Variants in SPRYD3 observed in about 807,000 individuals in gnomAD.
SPRYD3 encodes the protein SPRY domain-containing protein 3.
A neutral mutation model predicts 50.1 loss-of-function variants in SPRYD3; 17 were observed. The ratio of observed to expected loss-of-function variants is 0.34; its 90% confidence interval spans 0.23 to 0.51. The LOEUF (loss-of-function observed/expected upper bound fraction) is 0.51. Among genes scored for constraint, SPRYD3 ranks in the 20% least tolerant of loss-of-function variants. SPRYD3 has a pLI of 0.97. For synonymous variants in SPRYD3, 198 were observed against 215.5 expected, an observed-to-expected ratio of 0.92 and a Z score of 0.71; for missense variants, 401 against 591.2, an observed-to-expected ratio of 0.68 and a Z score of 3.34.
rs754828805 is a variant in SPRYD3 at position 53,079,384 on chromosome 12, C to G, written c.-51G>C. 6.3e-7 allele frequency: 1 copy of G among 1,585,160 alleles called. No homozygotes were observed. Among genetic ancestry groups the G allele is most frequent in the Middle Eastern group, 1.7e-4 (1 of 5,982 alleles). ...AAGCTCTTCGGCCGCCGCCACCACA[C>G]ACATCCGGGTCCCCGCCTTTCCTTC... On this transcript the variant is annotated 5_prime_UTR_variant, in exon 1 of 11. Coordinates refer to ENST00000301463, the MANE Select transcript of SPRYD3 (RefSeq NM_032840.3).
intron 6 of SPRYD3, among the ~76,000 whole-genome samples, chr12:53,071,710 T>G (rs1592265408): frequency 1.2e-4 from 14 of 121,328 alleles, no homozygotes; most frequent in African/African-American, 9.7e-5. Context: ...GGTGACAGAG[T>G]GATAGCCTGT....
intron 8 of SPRYD3, among the ~76,000 whole-genome samples, chr12:53,067,366 G>A (rs533689751): frequency 9.9e-5 from 15 of 152,220 alleles, no homozygotes; most frequent in African/African-American, 3.6e-4. Context: ...AAGAAAATGA[G>A]GAAATGAGGG....
rs765453759 is a variant in SPRYD3, at chr12:53,077,163, C to T, written c.122G>A (p.Arg41Gln). Reference protein sequence around the residue: ...IREIREVRAFRYQERFKHILV... With the variant: ...IREIREVRAFQYQERFKHILV... ...GATATGTTTGAACCTCTCCTGATAT[C>T]GGAAAGCTCGGACCTCTCGAATCTC... Residue 41 changes from arginine (R) to glutamine (Q), a missense_variant, in exon 2 of 11, where the codon CGA becomes CAA. Arg to Gln is a conservative substitution (Grantham distance 43, BLOSUM62 1). Transcript: ENST00000301463. The T allele has an allele frequency of 3.7e-6, 6 of 1,614,198 alleles. No individual in the cohort carries two copies. Among genetic ancestry groups the T allele is most frequent in the Middle Eastern group, 1.6e-4 (1 of 6,062 alleles).
At position 53,067,762 on chromosome 12, in the gene SPRYD3, G is replaced by C; in HGVS notation, c.844-57C>G. ...TCCCATGCATAAACAAGACAGGAGA[G>C]AGTGGCGAGTAGCATCTGAACCTCT... On this transcript the variant is annotated intron_variant, in intron 7 of 10. Coordinates refer to ENST00000301463, the MANE Select transcript of SPRYD3 (RefSeq NM_032840.3). The C allele has an allele frequency of 4.0e-6, 6 of 1,504,150 alleles. No homozygotes were observed. In the East Asian group the frequency reaches 1.4e-4, roughly 34 times the overall value. 93.2% of individuals were successfully genotyped at this position (1,504,150 alleles called of 1,614,324 possible). A position where few individuals can be genotyped will look rare whatever the true frequency, so the allele number is the denominator to read the frequency against.
chr12:53,076,763 C>G lies in SPRYD3; in HGVS notation c.170+352G>C, dbSNP rs536260652. Among the ~76,000 whole-genome samples the G allele has an allele frequency of 2.5e-3, 383 of 152,262 alleles. 1 individual carries two copies. Among genetic ancestry groups the G allele is most frequent in the Non-Finnish European group, 2.0e-3 (136 of 68,012 alleles). On this transcript the variant is annotated intron_variant, in intron 2 of 10. Coordinates refer to ENST00000301463, the MANE Select transcript of SPRYD3 (RefSeq NM_032840.3). ...AGGAGTTCAAGACCTGCCTGGCCAA[C>G]ATGGTGAAACCCTGTCTCTACCAAA...
chr12:53,068,228 C>T lies in SPRYD3; in HGVS notation c.770G>A (p.Arg257His), dbSNP rs757536583. The T allele has an allele frequency of 7.4e-6, 12 of 1,614,138 alleles. No individual in the cohort carries two copies. The highest frequency in any genetic ancestry group is 1.1e-5 in the South Asian group (1 of 91,086). Residue 257 changes from arginine (R) to histidine (H), a missense_variant, in exon 7 of 11, where the codon CGC (arginine) becomes CAC (histidine). Arg to His is a conservative substitution (Grantham distance 29). Coordinates refer to ENST00000301463, the MANE Select transcript of SPRYD3 (RefSeq NM_032840.3). Reference protein sequence around the residue: ...LAQARHPLSTRSHYFEVEIVD... With the variant: ...LAQARHPLSTHSHYFEVEIVD... ...GATCTCCACCTCGAAGTAGTGGCTGCGGGTGCTGAGTGGGTGCCGGGCCTG... is the reference window on the plus strand; with the variant it reads ...GATCTCCACCTCGAAGTAGTGGCTGTGGGTGCTGAGTGGGTGCCGGGCCTG...
chr12:53,073,947 T>G (rs1221668822), intron 5 of SPRYD3, among the ~76,000 whole-genome samples: 2 of 148,740 alleles, frequency 1.3e-5, no homozygotes, highest in African/African-American at 5.0e-5. Flanking sequence ...CCAAATGTGC[T>G]AAGTACTCCT....
intron 10 of SPRYD3, 63 bp downstream of exon 10, chr12:53,066,251 C>A: frequency 6.3e-7 from 1 of 1,577,976 alleles, no homozygotes; most frequent in Non-Finnish European, 8.6e-7. Flanking sequence ...CTGTTCCCCA[C>A]TAATACCCAC....
chr12:53,073,140 C>A (rs891602389), intron 6 of SPRYD3, 146 bp downstream of exon 6: 3 of 564,418 alleles, frequency 5.3e-6, no homozygotes, highest in African/African-American at 1.9e-5. Flanking sequence ...GGACTCATGT[C>A]AAGAGCCTAG....
In SPRYD3 at chr12:53,067,393, G is replaced by A. The variant is rs538047149; in HGVS notation, c.901+255C>T. The stretch of plus-strand genomic sequence containing the variant: ...AAATGAGGGTCTGCAGGAAGGGCAC[G>A]GGGGGACCAGCTCAGAGGCCTGGAA... On this transcript the variant is annotated intron_variant, in intron 8 of 10. Coordinates refer to ENST00000301463, the MANE Select transcript of SPRYD3 (RefSeq NM_032840.3). Among the ~76,000 whole-genome samples the A allele has an allele frequency of 1.4e-4, 22 of 152,262 alleles. No homozygotes were observed. In the East Asian group the frequency reaches 3.5e-3, roughly 24 times the overall value.
In SPRYD3 at chr12:53,074,642, C is replaced by T. The variant is rs763583220; in HGVS notation, c.507+7G>A. On this transcript the variant is annotated splice_region_variant and intron_variant, in intron 5 of 10. Transcript: ENST00000301463. This position sits in a 1 kb window ranked among gnomAD's most constrained non-coding sequence, Gnocchi z 4.6. ...CCACGTAAATCCCACCACTATTTCCCACTCACCCGCTTCCCATTTTTGGTG... is the reference window on the plus strand; with the variant it reads ...CCACGTAAATCCCACCACTATTTCCTACTCACCCGCTTCCCATTTTTGGTG... The T allele has an allele frequency of 1.9e-6, 3 of 1,614,248 alleles. No individual in the cohort carries two copies. Among genetic ancestry groups the T allele is most frequent in the Non-Finnish European group, 2.5e-6 (3 of 1,180,024 alleles).
chr12:53,074,849 C>T lies in SPRYD3; in HGVS notation c.372-65G>A, dbSNP rs1414333550. ...CCTCCCAACTTCTCCCCAGCACTGA[C>T]AGCAGAGGCCTCATCCTCATCTTGC... On this transcript the variant is annotated intron_variant, in intron 4 of 10. Coordinates refer to ENST00000301463, the MANE Select transcript of SPRYD3 (RefSeq NM_032840.3). The surrounding 1 kb of genome is among the most constrained non-coding windows in gnomAD (Gnocchi z 4.6). The T allele has an allele frequency of 6.3e-7, 1 of 1,580,238 alleles. No homozygotes were observed. Among genetic ancestry groups the T allele is most frequent in the Non-Finnish European group, 8.7e-7 (1 of 1,153,196 alleles).
chr12:53,079,357 A>G lies in SPRYD3; in HGVS notation c.-24T>C. 1 of 1,602,630 alleles carries G rather than the reference A, an allele frequency of 6.2e-7. No individual in the cohort carries two copies. The highest frequency in any genetic ancestry group is 8.5e-7 in the Non-Finnish European group (1 of 1,175,204). On this transcript the variant is annotated 5_prime_UTR_variant, in exon 1 of 11. Transcript: ENST00000301463. ...ATCCATAGGCCTCTCAGCTCCGCACACAAGCTCTTCGGCCGCCGCCACCAC... is the reference window on the plus strand; with the variant it reads ...ATCCATAGGCCTCTCAGCTCCGCACGCAAGCTCTTCGGCCGCCGCCACCAC...
In SPRYD3 at chr12:53,068,293, G is replaced by A; in HGVS notation, c.705C>T (p.Tyr235=). Residue 235 remains tyrosine (Y), a synonymous_variant, in exon 7 of 11, where the codon TAC becomes TAT. Transcript: ENST00000301463. ...DVRVCGTLLE[Y]LGKGKSIVDV... ...CCACGATGCTTTTGCCCTTCCCTAA[G>A]TACTCCAGCAGCTGTGGGGGAAGAG... is the stretch of plus-strand genomic sequence containing the variant. The A allele has an allele frequency of 6.2e-7, 1 of 1,614,064 alleles. No homozygotes were observed. Among genetic ancestry groups the A allele is most frequent in the Non-Finnish European group, 8.5e-7 (1 of 1,180,030 alleles).
chr12:53,067,434 C>G (rs1015418861), intron 8 of SPRYD3, among the ~76,000 whole-genome samples: 2 of 152,168 alleles, frequency 1.3e-5, no homozygotes, highest in Non-Finnish European at 2.9e-5. Context: ...CATCTGGGCC[C>G]AGATCTCCCT....
At chr12:53,069,464 C>T (rs1944533882) in intron 6 of SPRYD3, among the ~76,000 whole-genome samples, 1 of 147,812 alleles carries the variant, frequency 6.8e-6, no homozygotes. Context: ...GCTCCCGCAT[C>T]CCCACTCCCA....
intron 6 of SPRYD3, 27 bp downstream of exon 6, chr12:53,073,259 C>CCCGGGGGGGGGGGCGG: frequency 2.5e-6 from 1 of 400,932 alleles, no homozygotes; most frequent in Admixed American, 4.5e-5. Flanking sequence ...CGACCCAGCC[C>CCCGGGGGGGGGGGCGG]CTCCCACCCT....
intron 6 of SPRYD3, among the ~76,000 whole-genome samples, chr12:53,072,236 C>T (rs1168696757): frequency 6.6e-6 from 1 of 152,144 alleles, no homozygotes; most frequent in East Asian, 1.9e-4. Flanking sequence ...TCTTAGCTCT[C>T]GGTCGCTGCA....
intron 6 of SPRYD3, 95 bp downstream of exon 6, chr12:53,073,191 C>T (rs546185076): frequency 4.9e-6 from 4 of 816,262 alleles, no homozygotes; most frequent in Non-Finnish European, 7.9e-6. Flanking sequence ...TCCCGACTCC[C>T]CATTCCCAGC....
Sources: gnomAD v4.1 joint callset for allele counts (sites outside exome capture counted in the v4.1 genomes callset) on GRCh38, gnomAD v4.1.1 for gene constraint, Gnocchi (gnomAD v3.1) non-coding constraint, MANE v1.5 for transcripts, NCBI Gene and HGNC (gene_info 2026-07-23, HGNC 2026-07-21) for gene names.